Variants in RNF7 observed in about 807,000 individuals in gnomAD.
RNF7 encodes RING-box protein 2.
Under a neutral mutation model 17.0 loss-of-function variants are expected in RNF7, and 9 were observed. The observed-to-expected ratio is 0.53, with a 90% CI of 0.32 to 0.92. The LOEUF is 0.92. Ranked by LOEUF, RNF7 falls within the 40% of genes least tolerant of loss-of-function variation. The pLI, the probability that RNF7 is intolerant of heterozygous loss-of-function variation, is 0.04. For synonymous variants in RNF7, 59 were observed against 50.5 expected (o/e 1.17, Z -0.72); for missense variants, 87 against 145.8 (o/e 0.60, Z 2.08).
In RNF7 at chr3:141,738,373, G is replaced by A; in HGVS notation, c.32G>A (p.Cys11Tyr). The change falls in exon 1 of 3, where the codon TGC (cysteine) becomes TAC (tyrosine). Residue 11 changes from cysteine (C) to tyrosine (Y), a missense_variant. Transcript: ENST00000273480. The part of the protein sequence containing the change: MADVEDGEET[C>Y]ALASHSGSSG... ...GACGTGGAAGACGGAGAGGAAACCT[G>A]CGCCCTGGCCTCTCACTCCGGGAGC... 4 of 1,590,452 alleles carry A rather than the reference G, an allele frequency of 2.5e-6. No individual in the cohort carries two copies. The highest frequency in any genetic ancestry group is 3.4e-6 in the Non-Finnish European group (4 of 1,168,980).
At chr3:141,744,169 A>G (rs2084448333) in intron 2 of RNF7, among the ~76,000 whole-genome samples, 2 of 152,154 alleles carry the variant, frequency 1.3e-5, no homozygotes, top group African/African-American at 4.8e-5. Context: ...TTGGCTTTGT[A>G]TTTTGTGTTT....
At position 141,745,217 on chromosome 3, in the gene RNF7, A is replaced by G. The variant is rs750077601; in HGVS notation, c.282A>G (p.Lys94=). 4.5e-5 allele frequency: 72 copies of G among 1,613,458 alleles called. No homozygotes were observed. Among genetic ancestry groups the G allele is most frequent in the Non-Finnish European group, 5.6e-5 (66 of 1,179,926 alleles). Residue 94 remains lysine, a synonymous_variant, in exon 3 of 3, where the codon AAA becomes AAG. Coordinates refer to ENST00000273480, the MANE Select transcript of RNF7 (RefSeq NM_014245.5). ...ACTGCTGCATGTCCCTGTGGGTGAA[A>G]CAGAACAATCGCTGCCCTCTCTGCC... The part of the protein sequence containing the change: ...FHNCCMSLWV[K]QNNRCPLCQQ...
intron 1 of RNF7, among the ~76,000 whole-genome samples, chr3:141,739,066 T>C (rs1157769767): frequency 6.6e-6 from 1 of 152,126 alleles, no homozygotes; most frequent in Non-Finnish European, 1.5e-5. Flanking sequence ...GCCATTGCAT[T>C]TCCGGATTAG....
At chr3:141,743,815 T>C (rs931458643) in intron 2 of RNF7, among the ~76,000 whole-genome samples, 4 of 152,166 alleles carry the variant, frequency 2.6e-5, no homozygotes, top group African/African-American at 9.6e-5. Context: ...AATCAAAAAT[T>C]AAATATTTTC....
intron 1 of RNF7, chr3:141,742,802 A>G (rs1252429246): frequency 7.2e-6 from 9 of 1,245,204 alleles, no homozygotes; most frequent in Non-Finnish European, 9.3e-6. Context: ...GTAGCAACCT[A>G]TTGGAAGCAT....
rs532308808 is a variant in RNF7 at position 141,746,630 on chromosome 3, C to G, written c.*1353C>G. 1 of 152,224 alleles carries G rather than the reference C, an allele frequency of 6.6e-6. No individual in the cohort carries two copies. Among genetic ancestry groups the G allele is most frequent in the South Asian group, 2.1e-4 (1 of 4,822 alleles). 9.4% of individuals were successfully genotyped at this position (152,224 alleles called of 1,614,324 possible). A position where few individuals can be genotyped will look rare whatever the true frequency, so the allele number is the denominator to read the frequency against. On this transcript the variant is annotated 3_prime_UTR_variant, in exon 3 of 3. Coordinates refer to ENST00000273480, the MANE Select transcript of RNF7 (RefSeq NM_014245.5). The stretch of plus-strand genomic sequence containing the variant: ...ATGGACCACAAGTTCATTTTGTATT[C>G]TTCTGTAGTAGAGGCTACTGATATG...
At chr3:141,739,181 G>A (rs938493430) in intron 1 of RNF7, among the ~76,000 whole-genome samples, 1 of 151,942 alleles carries the variant, frequency 6.6e-6, no homozygotes, top group African/African-American at 2.4e-5. Context: ...GAATATCTAA[G>A]TTTCATGGAA....
intron 2 of RNF7, among the ~76,000 whole-genome samples, chr3:141,743,802 G>A (rs975490358): frequency 1.3e-5 from 2 of 151,782 alleles, no homozygotes; most frequent in African/African-American, 4.8e-5. Flanking sequence ...TAAACATTTT[G>A]GTAATCAAAA....
rs1284803332 is a variant in RNF7 at position 141,747,535 on chromosome 3, CATAA to C, written c.*2262_*2265del. 6.6e-6 allele frequency: 1 copy of C among 152,116 alleles called. No homozygotes were observed. Among genetic ancestry groups the C allele is most frequent in the African/African-American group, 2.4e-5 (1 of 41,420 alleles). 9.4% of individuals were successfully genotyped at this position (152,116 alleles called of 1,614,324 possible). A position where few individuals can be genotyped will look rare whatever the true frequency, so the allele number is the denominator to read the frequency against. ...CCCTTTACTGTCATGAAGTGAAATT[CATAA>C]ATATATTTCCTACACATATAATTTA... On this transcript the variant is annotated 3_prime_UTR_variant, in exon 3 of 3. Transcript: ENST00000273480.
rs951133004 is a variant in RNF7, at chr3:141,742,773, C to G, written c.176-736C>G. 3.9e-6 allele frequency: 5 copies of G among 1,276,688 alleles called. No homozygotes were observed. The African/African-American group carries it at 7.7e-5, about 20-fold the overall frequency. The allele number at this position is 1,276,688 out of a possible 1,614,324, so 79.1% of individuals were successfully genotyped here. On this transcript the variant is annotated intron_variant, in intron 1 of 2. Coordinates refer to ENST00000273480, the MANE Select transcript of RNF7 (RefSeq NM_014245.5). ...TCTGTCTCACTGGCTTCTCACCAGC[C>G]TTGTCTGGATGACCATCGGTAGCAA...
intron 1 of RNF7, 136 bp downstream of exon 1, chr3:141,738,652 G>T (rs921658479): frequency 1.1e-6 from 1 of 943,644 alleles, no homozygotes; most frequent in Non-Finnish European, 1.5e-6. Flanking sequence ...GCCCTGCCCC[G>T]GCGCCGGAGG....
rs759352977 is a variant in RNF7, at chr3:141,738,375, G to C, written c.34G>C (p.Ala12Pro). ...ADVEDGEETCALASHSGSSGS... is the reference protein window; with the variant it reads ...ADVEDGEETCPLASHSGSSGS... The stretch of plus-strand genomic sequence containing the variant: ...CGTGGAAGACGGAGAGGAAACCTGC[G>C]CCCTGGCCTCTCACTCCGGGAGCTC... The change falls in exon 1 of 3, where the codon GCC becomes CCC. Residue 12 changes from alanine to proline, a missense_variant. Physicochemically the swap from Ala to Pro is conservative, Grantham distance 27 (BLOSUM62 -1). Transcript: ENST00000273480. The C allele has an allele frequency of 1.3e-6, 2 of 1,592,052 alleles. No individual in the cohort carries two copies. Among genetic ancestry groups the C allele is most frequent in the South Asian group, 1.1e-5 (1 of 87,936 alleles).
intron 1 of RNF7, among the ~76,000 whole-genome samples, chr3:141,742,315 C>T (rs2084427796): frequency 6.6e-6 from 1 of 151,364 alleles, no homozygotes; most frequent in Non-Finnish European, 1.5e-5. Context: ...CAAGCTCTGC[C>T]TCCTGGGTTC....
At position 141,746,893 on chromosome 3, in the gene RNF7, C is replaced by T. The variant is rs577418247; in HGVS notation, c.*1616C>T. ...CTTTCTAGCTACTGAAAAAATTATA[C>T]AAATATCTTTGGCCATTTAAATGTT... On this transcript the variant is annotated 3_prime_UTR_variant, in exon 3 of 3. Transcript: ENST00000273480. 1 of 152,276 alleles carries T rather than the reference C, an allele frequency of 6.6e-6. No individual in the cohort carries two copies. The highest frequency in any genetic ancestry group is 2.1e-4 in the South Asian group (1 of 4,828). The allele number at this position is 152,276 out of a possible 1,614,324, so 9.4% of individuals were successfully genotyped here.
At chr3:141,738,698 G>T (rs1367146531) in intron 1 of RNF7, among the ~76,000 whole-genome samples, 182 bp downstream of exon 1, 1 of 152,202 alleles carries the variant, frequency 6.6e-6, no homozygotes, top group East Asian at 1.9e-4. Context: ...GCTCCTGAGG[G>T]CTGCGGCCGC....
chr3:141,743,471 G>A, intron 1 of RNF7, 38 bp from the exon 2 acceptor site: 1 of 1,567,786 alleles, frequency 6.4e-7, no homozygotes, highest in Non-Finnish European at 8.7e-7. Flanking sequence ...ATTGCATTCT[G>A]AGCATCAGAA....
intron 1 of RNF7, among the ~76,000 whole-genome samples, chr3:141,741,783 C>T (rs1394451596): frequency 2.0e-5 from 3 of 150,812 alleles, no homozygotes; most frequent in African/African-American, 7.3e-5. Flanking sequence ...TTACTATAAG[C>T]TCACTGGGCA....
At chr3:141,743,444 G>T in intron 1 of RNF7, 65 bp from the exon 2 acceptor site, 1 of 1,282,188 alleles carries the variant, frequency 7.8e-7, no homozygotes, top group Admixed American at 1.8e-5. Context: ...TGACTTTGAA[G>T]TGTCTGGTTT....
intron 1 of RNF7, 144 bp downstream of exon 1, chr3:141,738,660 A>G: frequency 1.1e-6 from 1 of 888,590 alleles, no homozygotes; most frequent in Admixed American, 3.2e-5. Context: ...CCGGCGCCGG[A>G]GGAACGCGGA....
Sources: allele counts gnomAD v4.1 joint callset (sites outside exome capture counted in the v4.1 genomes callset), GRCh38; gene constraint gnomAD v4.1.1; transcripts MANE v1.5; gene names NCBI Gene and HGNC (gene_info 2026-07-23, HGNC 2026-07-21).